Variants in MORC1 observed in about 807,000 individuals in gnomAD.
MORC1 encodes MORC family CW-type zinc finger 1.
In MORC1, 59 loss-of-function variants were observed where a neutral mutation model predicts 134.9. The ratio of observed to expected loss-of-function variants is 0.44; its 90% CI spans 0.35 to 0.54. The LOEUF is 0.54. MORC1 is among the 20% of genes least tolerant of loss of function. The pLI is 0.00. For missense variants in MORC1, 947 were observed against 1,134.5 expected, an observed-to-expected ratio of 0.83 and a Z score of 2.37; for synonymous variants, 395 against 391.7, an observed-to-expected ratio of 1.01 and a Z score of -0.10.
intron 8 of MORC1, among the ~76,000 whole-genome samples, chr3:109,082,059 C>A (rs1343085070): frequency 6.6e-6 from 1 of 152,066 alleles, no homozygotes; most frequent in Non-Finnish European, 1.5e-5. Flanking sequence ...CATCACACTG[C>A]AGGAAGTATG....
At chr3:109,000,736 A>C (rs756960855) in intron 20 of MORC1, 78 bp from the exon 21 acceptor site, 112 of 1,046,602 alleles carry the variant, frequency 1.1e-4, no homozygotes, top group Non-Finnish European at 1.6e-4. Context: ...TTCACTCTTC[A>C]TTCTGCCTCT....
At chr3:109,062,691 C>T (rs1420266126) in intron 10 of MORC1, among the ~76,000 whole-genome samples, 2 of 152,100 alleles carry the variant, frequency 1.3e-5, no homozygotes, top group African/African-American at 2.4e-5. Context: ...CTTCTTAAAG[C>T]GGATGCAGTG....
At chr3:109,029,670 T>C (rs1008347073) in intron 16 of MORC1, among the ~76,000 whole-genome samples, 12 of 152,306 alleles carry the variant, frequency 7.9e-5, no homozygotes, top group East Asian at 7.7e-4. Context: ...CCCTCTGTGC[T>C]TGAAGTGGAA....
intron 16 of MORC1, among the ~76,000 whole-genome samples, chr3:109,031,654 C>T (rs570096728): frequency 2.6e-5 from 4 of 152,118 alleles, no homozygotes; most frequent in Non-Finnish European, 5.9e-5. Flanking sequence ...CGTTTTAATT[C>T]TCATTTTTCC....
intron 23 of MORC1, among the ~76,000 whole-genome samples, chr3:108,984,264 A>C (rs1166130564): frequency 6.6e-6 from 1 of 152,182 alleles, no homozygotes; most frequent in Admixed American, 6.5e-5. Flanking sequence ...TGGATATCCA[A>C]AACATTCAGC....
chr3:108,964,472 C>G (rs1285197826), intron 26 of MORC1, among the ~76,000 whole-genome samples: 3 of 152,170 alleles, frequency 2.0e-5, no homozygotes, highest in Non-Finnish European at 4.4e-5. Context: ...CTACCCTTCC[C>G]TTTTCAGACC....
chr3:109,099,385 T>A lies in MORC1; in HGVS notation c.396A>T (p.Thr132=), dbSNP rs768839015. 5.0e-6 allele frequency: 8 copies of A among 1,611,730 alleles called. No individual in the cohort carries two copies. The African/African-American group carries it at 1.1e-4, about 22-fold the overall frequency. ...CACTAAGACTTTCTTCTTCACAGAA[T>A]GTCTGAGAAAAAAACACACAGGTCA... is the stretch of plus-strand genomic sequence containing the variant. ...ETMTCVFFSQ[T]FCEEESLSEV... is the part of the protein sequence containing the mutation. Residue 132 remains threonine (T), a synonymous_variant, in exon 6 of 28, where the codon ACA becomes ACT. Transcript: ENST00000232603.
chr3:109,000,559 G>T lies in MORC1; in HGVS notation c.2185C>A (p.Leu729Met). ...ATTTAGTGTATAGTTTATCTCACCAGGATTATATCTGAATCACTCGTGTTC... is the reference window on the plus strand; with the variant it reads ...ATTTAGTGTATAGTTTATCTCACCATGATTATATCTGAATCACTCGTGTTC... Reference protein sequence around the residue: ...DENTSDSDIILVSDKSNTDVS... With the variant: ...DENTSDSDIIMVSDKSNTDVS... Residue 729 changes from leucine to methionine, a missense_variant and splice_region_variant, in exon 21 of 28, where the codon CTG (leucine) becomes ATG (methionine). Physicochemically the swap from Leu to Met is conservative, Grantham distance 15. Transcript: ENST00000232603. The T allele has an allele frequency of 6.3e-7, 1 of 1,596,692 alleles. No individual in the cohort carries two copies. Among genetic ancestry groups the T allele is most frequent in the Non-Finnish European group, 8.5e-7 (1 of 1,170,002 alleles).
chr3:109,009,197 G>GTTTT (rs201228015), intron 17 of MORC1, among the ~76,000 whole-genome samples: 23 of 133,844 alleles, frequency 1.7e-4, no homozygotes, highest in Middle Eastern at 4.4e-3. Flanking sequence ...CTATTTTTAC[G>GTTTT]TTTTTTGTTG....
intron 17 of MORC1, among the ~76,000 whole-genome samples, chr3:109,022,675 G>C (rs1207032919): frequency 6.6e-6 from 1 of 152,160 alleles, no homozygotes; most frequent in African/African-American, 2.4e-5. Flanking sequence ...AGTAATATAT[G>C]CAGAAGTTGG....
intron 17 of MORC1, among the ~76,000 whole-genome samples, chr3:109,009,204 G>GTTTTTTTTTTTTTTTTTTTTTTT (rs1207320361): frequency 1.0e-5 from 1 of 96,764 alleles, no homozygotes; most frequent in African/African-American, 3.7e-5. Context: ...TACGTTTTTT[G>GTTTTTTTTTTTTTTTTTTTTTTT]TTGTTTTTTT....
intron 9 of MORC1, 52 bp downstream of exon 9, chr3:109,069,580 T>C: frequency 6.1e-6 from 9 of 1,487,256 alleles, no homozygotes; most frequent in Middle Eastern, 1.8e-4. Context: ...GGGGAGCATA[T>C]CAATTTTATA....
In MORC1 at chr3:108,963,427, T is replaced by C; in HGVS notation, c.2786A>G (p.Gln929Arg). The C allele has an allele frequency of 6.2e-7, 1 of 1,610,364 alleles. No individual in the cohort carries two copies. Among genetic ancestry groups the C allele is most frequent in the Non-Finnish European group, 8.5e-7 (1 of 1,179,234 alleles). ...TTTTTCACTCACCAGTTGGAGTTTCTGCAACAATAGTGCCAGTTTTATACG... is the reference window on the plus strand; with the variant it reads ...TTTTTCACTCACCAGTTGGAGTTTCCGCAACAATAGTGCCAGTTTTATACG... ...NLRIKLALLLQKLQLGGPEGD... is the reference protein window; with the variant it reads ...NLRIKLALLLRKLQLGGPEGD... The change falls in exon 27 of 28, where the codon CAG (glutamine) becomes CGG (arginine). Residue 929 changes from glutamine to arginine, a missense_variant. Physicochemically the swap from Gln to Arg is conservative, Grantham distance 43 (BLOSUM62 1). Transcript: ENST00000232603.
At chr3:109,116,363 G>C (rs1382996099) in intron 1 of MORC1, among the ~76,000 whole-genome samples, 1 of 152,200 alleles carries the variant, frequency 6.6e-6, no homozygotes, top group Non-Finnish European at 1.5e-5. Flanking sequence ...AGTGGAGACA[G>C]AGAGAAATGG....
chr3:109,059,657 G>C (rs1379033684), intron 12 of MORC1, 149 bp downstream of exon 12: 1 of 560,364 alleles, frequency 1.8e-6, no homozygotes, highest in Non-Finnish European at 3.1e-6. Context: ...TTGGTTGTGG[G>C]AACTTGACTA....
Position 108,996,286 on chromosome 3 carries a change from G to GCGCGCGCACACACACACACA in MORC1, c.2187+4270_2187+4271insTGTGTGTGTGTGTGCGCGCG. 3.0e-3 allele frequency among the ~76,000 whole-genome samples: 445 copies of GCGCGCGCACACACACACACA among 146,452 alleles called. 3 individuals carry two copies. The highest frequency in any genetic ancestry group is 4.5e-3 in the East Asian group (22 of 4,942). ...CATGTGCGCGTGCGTGCGCGCGCGC[G>GCGCGCGCACACACACACACA]CACACACACACACACACACACAACT... On this transcript the variant is annotated intron_variant, in intron 21 of 27. Transcript: ENST00000232603.
chr3:109,116,146 G>A (rs73853820), intron 1 of MORC1, among the ~76,000 whole-genome samples: 65 of 152,306 alleles, frequency 4.3e-4, no homozygotes, highest in African/African-American at 1.5e-3. Flanking sequence ...AGAAGAGCTT[G>A]TACTTGGCTG....
intron 23 of MORC1, among the ~76,000 whole-genome samples, chr3:108,983,515 A>G (rs964986473): frequency 1.3e-5 from 2 of 152,206 alleles, no homozygotes; most frequent in African/African-American, 4.8e-5. Flanking sequence ...TTGTCAGAGA[A>G]GACCTTTCAA....
At position 108,977,927 on chromosome 3, in the gene MORC1, G is replaced by T. The variant is rs1947607036; in HGVS notation, c.2477+1588C>A. On this transcript the variant is annotated intron_variant, in intron 24 of 27. Transcript: ENST00000232603. ...GAGTCTTGCTCTGTCACCCAGGCTG[G>T]AGTGCAGTGGCGCGATCTCAGCTCA... 3.3e-5 allele frequency among the ~76,000 whole-genome samples: 5 copies of T among 152,170 alleles called. No homozygotes were observed. In the South Asian group the frequency reaches 1.0e-3, roughly 32 times the overall value.
Sources: gnomAD v4.1 joint callset for allele counts (sites outside exome capture counted in the v4.1 genomes callset) on GRCh38, gnomAD v4.1.1 for gene constraint, MANE v1.5 for transcripts, NCBI Gene and HGNC (gene_info 2026-07-23, HGNC 2026-07-21) for gene names.